The following C4orf51 variants were observed in gnomAD, a reference collection of about 807,000 sequenced individuals.
C4orf51 encodes chromosome 4 open reading frame 51, also known as uncharacterized protein C4orf51.
In C4orf51, 25 loss-of-function variants were observed where a neutral mutation model predicts 25.2. The ratio of observed to expected loss-of-function variants is 0.99; its 90% CI spans 0.72 to 1.39. The LOEUF is 1.39. Ranked by LOEUF, C4orf51 falls within the 40% of genes most tolerant of loss-of-function variation. The pLI is 0.00. For synonymous variants in C4orf51, 100 were observed against 84.5 expected (o/e 1.18, Z -1.01); for missense variants, 252 against 239.6 (o/e 1.05, Z -0.34).
chr4:145,702,658 T>C (rs1730531939), intron 2 of C4orf51, among the ~76,000 whole-genome samples: 2 of 152,300 alleles, frequency 1.3e-5, no homozygotes, highest in South Asian at 4.1e-4. Context: ...TTGAAGTAAA[T>C]AAATAATCTT....
intron 1 of C4orf51, among the ~76,000 whole-genome samples, chr4:145,740,339 T>G (rs1197634014): frequency 6.6e-6 from 1 of 151,070 alleles, no homozygotes; most frequent in Non-Finnish European, 1.5e-5. Context: ...AACTATGCAT[T>G]TACTTTATAA....
chr4:145,703,350 T>A (rs139652741), intron 2 of C4orf51, among the ~76,000 whole-genome samples: 5,223 of 151,962 alleles, frequency 0.034, 265 homozygotes, highest in African/African-American at 0.11. Context: ...GACTGTAATT[T>A]TCCTTTACCT....
At chr4:145,690,205 A>T (rs1729451859) in intron 1 of C4orf51, among the ~76,000 whole-genome samples, 1 of 136,868 alleles carries the variant, frequency 7.3e-6, no homozygotes. Flanking sequence ...AAACCTCCGT[A>T]AAAAAAATAA....
intron 1 of C4orf51, among the ~76,000 whole-genome samples, chr4:145,750,815 G>C (rs1217479379): frequency 6.6e-6 from 1 of 151,986 alleles, no homozygotes; most frequent in Admixed American, 6.6e-5. Context: ...GATCTTGTAG[G>C]AATGTTTAAT....
At chr4:145,687,005 G>A (rs879832625) in intron 1 of C4orf51, among the ~76,000 whole-genome samples, 4 of 124,910 alleles carry the variant, frequency 3.2e-5, no homozygotes, top group East Asian at 2.1e-4. Context: ...GATCTTGTGG[G>A]GGGGGCGGTT....
chr4:145,688,307 G>T (rs999667426), intron 1 of C4orf51, among the ~76,000 whole-genome samples: 1 of 151,080 alleles, frequency 6.6e-6, no homozygotes, highest in East Asian at 1.9e-4. Flanking sequence ...AAAACCAGAA[G>T]ACATTAGAGA....
At chr4:145,742,560 GAC>G (rs1199792525) in intron 1 of C4orf51, among the ~76,000 whole-genome samples, 3 of 95,644 alleles carry the variant, frequency 3.1e-5, no homozygotes, top group African/African-American at 1.3e-4. Flanking sequence ...TTTTTTTTGA[GAC>G]AGAGTCTTGC....
chr4:145,788,615 C>T, the C4orf51 span, among the ~76,000 whole-genome samples: 3 of 152,168 alleles, frequency 2.0e-5, no homozygotes, highest in African/African-American at 7.2e-5. Context: ...AAGATCAGGA[C>T]TGTTGTACTG....
chr4:145,697,936 C>T (rs1730177818), intron 2 of C4orf51, among the ~76,000 whole-genome samples: 1 of 152,216 alleles, frequency 6.6e-6, no homozygotes, highest in South Asian at 2.1e-4. Context: ...TCCCAATTAA[C>T]ATTCCCATCA....
intron 1 of C4orf51, among the ~76,000 whole-genome samples, chr4:145,753,410 G>A (rs894599452): frequency 5.3e-5 from 8 of 151,782 alleles, no homozygotes; most frequent in South Asian, 2.1e-4. Flanking sequence ...ATGTATCCAT[G>A]TGGCCATCCT....
intron 1 of C4orf51, among the ~76,000 whole-genome samples, chr4:145,753,702 G>C (rs999266972): frequency 6.6e-6 from 1 of 152,084 alleles, no homozygotes; most frequent in Non-Finnish European, 1.5e-5. Context: ...GATGCCTTTT[G>C]CTTGGGCTTG....
At chr4:145,783,682 A>C in the C4orf51 span, among the ~76,000 whole-genome samples, 1 of 152,244 alleles carries the variant, frequency 6.6e-6, no homozygotes, top group East Asian at 1.9e-4. Context: ...AAAATGAAGG[A>C]TATACTGGTA....
Position 145,763,226 on chromosome 4 carries a change from C to A in C4orf51, n.167-7762C>A. ...CACAGAAAAGCAATTTAGACATCAG[C>A]AGTCTGTTTCATTTTAAGGACATTT... is the stretch of plus-strand genomic sequence containing the variant. On this transcript the variant is annotated intron_variant and non_coding_transcript_variant, in intron 1 of 1. Transcript: ENST00000510096. The surrounding 1 kb of genome is among the most constrained non-coding windows in gnomAD (Gnocchi z 4.6). 1 of 1,136,710 alleles carries A rather than the reference C, an allele frequency of 8.8e-7. No homozygotes were observed. 70.4% of individuals were successfully genotyped at this position (1,136,710 alleles called of 1,614,324 possible). A position where few individuals can be genotyped will look rare whatever the true frequency, so the allele number is the denominator to read the frequency against.
At chr4:145,681,808 T>G (rs1728855499) in intron 1 of C4orf51, among the ~76,000 whole-genome samples, 1 of 152,170 alleles carries the variant, frequency 6.6e-6, no homozygotes, top group Non-Finnish European at 1.5e-5. Context: ...CTCATATGAT[T>G]AATCTATTTG....
chr4:145,768,759 G>T (rs182809286), intron 1 of C4orf51, among the ~76,000 whole-genome samples: 2 of 145,590 alleles, frequency 1.4e-5, no homozygotes, highest in South Asian at 4.5e-4. Context: ...TTGGGAGGGT[G>T]AGGCAGGAGA....
chr4:145,692,127 A>G lies in C4orf51; in HGVS notation c.234-4432A>G, dbSNP rs111311377. Among the ~76,000 whole-genome samples the G allele has an allele frequency of 5.7e-3, 872 of 152,364 alleles. 9 individuals are homozygous for G. The highest frequency in any genetic ancestry group is 7.8e-3 in the Non-Finnish European group (528 of 68,040). On this transcript the variant is annotated intron_variant, in intron 1 of 5. Coordinates refer to ENST00000438731, the MANE Select transcript of C4orf51 (RefSeq NM_001080531.3). ...GAGAGACACGTACAATAATGTTCTT[A>G]GCAGTACTTTTCATAATAGCCAAAA...
intron 1 of C4orf51, among the ~76,000 whole-genome samples, chr4:145,767,336 A>G (rs951843863): frequency 7.9e-5 from 12 of 152,192 alleles, no homozygotes; most frequent in African/African-American, 2.9e-4. Context: ...AACTATCTGA[A>G]ATGAAACAGA....
intron 1 of C4orf51, among the ~76,000 whole-genome samples, chr4:145,694,852 A>C (rs1197257481): frequency 6.6e-6 from 1 of 152,180 alleles, no homozygotes; most frequent in Non-Finnish European, 1.5e-5. Flanking sequence ...AGAAACACTC[A>C]TAAATCCCTT....
At chr4:145,720,393 C>T (rs905412544) in intron 2 of C4orf51, among the ~76,000 whole-genome samples, 4 of 152,094 alleles carry the variant, frequency 2.6e-5, no homozygotes, top group Admixed American at 6.5e-5. Context: ...CTCAGCTATA[C>T]GGGGAGATAC....
Sources: allele counts gnomAD v4.1 joint callset (sites outside exome capture counted in the v4.1 genomes callset), GRCh38; gene constraint gnomAD v4.1.1; non-coding constraint Gnocchi (gnomAD v3.1); transcripts MANE v1.5; gene names NCBI Gene and HGNC (gene_info 2026-07-23, HGNC 2026-07-21).